Variants in AGBL3 observed in about 807,000 individuals in gnomAD.
The protein encoded by AGBL3 is cytosolic carboxypeptidase 3.
A neutral mutation model predicts 94.5 loss-of-function variants in AGBL3; 68 were observed. The observed-to-expected ratio is 0.72, with a 90% CI of 0.59 to 0.88. AGBL3 has a LOEUF of 0.88. Among genes scored for constraint, AGBL3 ranks in the 40% least tolerant of loss-of-function variants. The pLI, the probability that AGBL3 is intolerant of heterozygous loss-of-function variation, is 0.00. For synonymous variants in AGBL3, 354 were observed against 370.7 expected (o/e 0.95, Z 0.52); for missense variants, 934 against 1,103.8 (o/e 0.85, Z 2.18).
At chr7:135,020,216 GA>G (rs1323055269) in intron 5 of AGBL3, among the ~76,000 whole-genome samples, 1 of 18,190 alleles carries the variant, frequency 5.5e-5, no homozygotes, top group African/African-American at 6.2e-5. Context: ...AAATTTACAA[GA>G]AAAAAACAAC....
At chr7:135,071,444 G>A (rs551290943) in intron 12 of AGBL3, among the ~76,000 whole-genome samples, 13 of 152,112 alleles carry the variant, frequency 8.5e-5, no homozygotes, top group Admixed American at 2.6e-4. Flanking sequence ...AAAAGAGCCC[G>A]CATTGCCAAG....
chr7:135,099,750 A>G (rs1393194574), intron 15 of AGBL3, among the ~76,000 whole-genome samples: 1 of 152,152 alleles, frequency 6.6e-6, no homozygotes. Flanking sequence ...AGTTTTATAC[A>G]CAGTGCCCCA....
chr7:135,039,915 G>A (rs1041094799), intron 8 of AGBL3, among the ~76,000 whole-genome samples: 4 of 152,154 alleles, frequency 2.6e-5, no homozygotes, highest in East Asian at 1.9e-4. Flanking sequence ...GCTTGGAAAA[G>A]ATTGGTAAAA....
At chr7:134,989,376 GAAACTAAAAAGTCAGATTGA>G (rs1809924024) in intron 3 of AGBL3, 66 bp downstream of exon 3, 2 of 1,145,176 alleles carry the variant, frequency 1.7e-6, no homozygotes, top group Non-Finnish European at 2.5e-6. Context: ...AGAAGATGAG[GAAACTAAAAAGTCAGATTGA>G]ATAATATAGG....
intron 11 of AGBL3, among the ~76,000 whole-genome samples, chr7:135,046,808 A>AT (rs1817405465): frequency 1.3e-5 from 2 of 152,106 alleles, no homozygotes; most frequent in Admixed American, 6.6e-5. Flanking sequence ...TTGTGTAGAC[A>AT]TAAGTCTTTG....
intron 12 of AGBL3, among the ~76,000 whole-genome samples, chr7:135,067,907 G>A (rs1399766169): frequency 6.6e-6 from 1 of 152,224 alleles, no homozygotes; most frequent in Non-Finnish European, 1.5e-5. Context: ...GACGAGTTGA[G>A]AGAAGAAGGC....
chr7:135,096,598 T>TAGATAGAG (rs1822834047), intron 15 of AGBL3, among the ~76,000 whole-genome samples: 1 of 115,872 alleles, frequency 8.6e-6, no homozygotes, highest in African/African-American at 3.0e-5. Flanking sequence ...GATAGATAGA[T>TAGATAGAG]AGATAGATAG....
chr7:135,067,254 T>G (rs1369086561), intron 12 of AGBL3, among the ~76,000 whole-genome samples: 1 of 152,196 alleles, frequency 6.6e-6, no homozygotes, highest in African/African-American at 2.4e-5. Flanking sequence ...CGAACTGGGT[T>G]GAGCCCACCG....
chr7:135,130,820 T>G (rs1282125521), intron 16 of AGBL3, among the ~76,000 whole-genome samples: 1 of 152,194 alleles, frequency 6.6e-6, no homozygotes, highest in Non-Finnish European at 1.5e-5. Flanking sequence ...AGCAGTGTTT[T>G]GGGTGATAAT....
rs771983744 is a variant in AGBL3, at chr7:135,034,861, C to T, written c.1270C>T (p.Arg424Cys). The T allele has an allele frequency of 3.4e-5, 52 of 1,550,830 alleles. No individual in the cohort carries two copies. Among genetic ancestry groups the T allele is most frequent in the Middle Eastern group, 1.7e-4 (1 of 6,010 alleles). ...TTCCTTAGCTGGACGGGATTTAAAC[C>T]GTAATTATACATCTCTCCTGAAGGA... ...RCSLAGRDLN[R>C]NYTSLLKESF... Residue 424 changes from arginine (R) to cysteine (C), a missense_variant, in exon 7 of 17, where the codon CGT (arginine) becomes TGT (cysteine). Transcript: ENST00000436302.
intron 15 of AGBL3, chr7:135,101,403 A>C (rs1823809774): frequency 2.8e-6 from 1 of 358,882 alleles, no homozygotes; most frequent in Non-Finnish European, 5.5e-6. Flanking sequence ...TGAGATTGAT[A>C]GCTATTTTAG....
intron 11 of AGBL3, among the ~76,000 whole-genome samples, chr7:135,055,372 A>G (rs1466008987): frequency 6.6e-6 from 1 of 152,230 alleles, no homozygotes; most frequent in Non-Finnish European, 1.5e-5. Context: ...GCAGGAAAGC[A>G]TCTAGTTTCT....
At chr7:135,124,090 C>T (rs1827516939) in intron 16 of AGBL3, among the ~76,000 whole-genome samples, 1 of 152,090 alleles carries the variant, frequency 6.6e-6, no homozygotes, top group South Asian at 2.1e-4. Flanking sequence ...TTAAAAGACA[C>T]AGACTGGCAA....
chr7:135,042,996 A>G (rs1333058282), intron 8 of AGBL3, among the ~76,000 whole-genome samples: 1 of 152,202 alleles, frequency 6.6e-6, no homozygotes, highest in East Asian at 1.9e-4. Context: ...ATTGCACCTC[A>G]AAAAATTTCT....
At chr7:135,094,351 C>A in intron 15 of AGBL3, 1 of 456,494 alleles carries the variant, frequency 2.2e-6, no homozygotes, top group South Asian at 1.5e-5. Flanking sequence ...CAGACGAATC[C>A]AGGGAGTCAC....
chr7:135,103,418 C>T (rs909240142), intron 15 of AGBL3, among the ~76,000 whole-genome samples: 10 of 152,160 alleles, frequency 6.6e-5, no homozygotes, highest in African/African-American at 2.2e-4. Flanking sequence ...GAATCAAACT[C>T]TCACCCATAT....
chr7:135,061,455 AT>A (rs948231345), intron 12 of AGBL3, among the ~76,000 whole-genome samples: 3 of 152,090 alleles, frequency 2.0e-5, no homozygotes, highest in African/African-American at 4.8e-5. Flanking sequence ...ATCCAAAAAA[AT>A]GATTGCCCAG....
intron 3 of AGBL3, among the ~76,000 whole-genome samples, chr7:134,993,126 A>G (rs1260855387): frequency 6.6e-6 from 1 of 152,242 alleles, no homozygotes; most frequent in Non-Finnish European, 1.5e-5. Context: ...ATACAGTTCC[A>G]GGAAGTGGTG....
intron 9 of AGBL3, among the ~76,000 whole-genome samples, chr7:135,044,973 T>C (rs553042127): frequency 1.5e-3 from 156 of 103,034 alleles, no homozygotes; most frequent in Non-Finnish European, 2.7e-3. Flanking sequence ...GTTTGGTTTT[T>C]TGTTCTTGCG....
Sources: gnomAD v4.1 joint callset for allele counts (sites outside exome capture counted in the v4.1 genomes callset) on GRCh38, gnomAD v4.1.1 for gene constraint, MANE v1.5 for transcripts, NCBI Gene and HGNC (gene_info 2026-07-23, HGNC 2026-07-21) for gene names.